The following SLC5A8 variants were observed in gnomAD, a reference collection of about 807,000 sequenced individuals.
SLC5A8 encodes sodium-coupled monocarboxylate transporter 1.
A neutral mutation model predicts 71.9 loss-of-function variants in SLC5A8; 55 were observed. The ratio of observed to expected loss-of-function variants is 0.77; its 90% CI spans 0.62 to 0.96. SLC5A8 has a LOEUF of 0.96. Ranked by LOEUF, SLC5A8 falls within the 40% of genes least tolerant of loss-of-function variation. The pLI is 0.00. For missense variants in SLC5A8, 701 were observed against 745.3 expected (o/e 0.94, Z 0.69); for synonymous variants, 307 against 276.1 (o/e 1.11, Z -1.11).
intron 3 of SLC5A8, 79 bp downstream of exon 3, chr12:101,202,085 T>C (rs1869479563): frequency 7.2e-7 from 1 of 1,390,174 alleles, no homozygotes; most frequent in African/African-American, 1.4e-5. Context: ...CATCTCCCCA[T>C]CTCCCCAAGG....
At chr12:101,176,563 A>G (rs1347881687) in intron 10 of SLC5A8, among the ~76,000 whole-genome samples, 2 of 152,100 alleles carry the variant, frequency 1.3e-5, no homozygotes, top group Admixed American at 1.3e-4. Flanking sequence ...ACAAGTTTAA[A>G]AGTACTGAAA....
At chr12:101,184,389 A>G (rs566016167) in intron 7 of SLC5A8, among the ~76,000 whole-genome samples, 167 bp from the exon 8 acceptor site, 15 of 152,364 alleles carry the variant, frequency 9.8e-5, no homozygotes, top group African/African-American at 3.6e-4. Flanking sequence ...TAACACTTAG[A>G]GAAACGAATA....
At chr12:101,189,382 C>T (rs979339224) in intron 6 of SLC5A8, among the ~76,000 whole-genome samples, 2 of 152,136 alleles carry the variant, frequency 1.3e-5, no homozygotes, top group African/African-American at 4.8e-5. Context: ...AATCTCTAAA[C>T]CAATTTACTC....
At chr12:101,159,034 G>A (rs1432617919) in intron 13 of SLC5A8, among the ~76,000 whole-genome samples, 1 of 151,198 alleles carries the variant, frequency 6.6e-6, no homozygotes, top group African/African-American at 2.4e-5. Context: ...GTATCTCAAA[G>A]AGTGGTCCTC....
chr12:101,197,133 A>G (rs1309279277), intron 3 of SLC5A8, among the ~76,000 whole-genome samples: 1 of 152,252 alleles, frequency 6.6e-6, no homozygotes, highest in African/African-American at 2.4e-5. Flanking sequence ...GGATAGTAGG[A>G]AACCAATTTA....
chr12:101,158,598 C>CTCTCTCTCCCTCTATATATA (rs1411795424), intron 13 of SLC5A8, among the ~76,000 whole-genome samples: 1 of 21,244 alleles, frequency 4.7e-5, no homozygotes, highest in Non-Finnish European at 8.8e-5. Flanking sequence ...CTCTCTCTCT[C>CTCTCTCTCCCTCTATATATA]TATATATATA....
chr12:101,208,350 T>A (rs1290625448), intron 1 of SLC5A8, among the ~76,000 whole-genome samples: 5 of 152,144 alleles, frequency 3.3e-5, no homozygotes, highest in Admixed American at 3.3e-4. Flanking sequence ...CCAGCACCAG[T>A]TGAACCAGCC....
rs1054066798 is a variant in SLC5A8 at position 101,156,279 on chromosome 12, C to T, written c.*1000G>A. 1 of 152,100 alleles carries T rather than the reference C, an allele frequency of 6.6e-6. No homozygotes were observed. Among genetic ancestry groups the T allele is most frequent in the South Asian group, 2.1e-4 (1 of 4,830 alleles). The allele number at this position is 152,100 out of a possible 1,614,324, so 9.4% of individuals were successfully genotyped here. A position where few individuals can be genotyped will look rare whatever the true frequency, so the allele number is the denominator to read the frequency against. ...GACATTCAAAAGTTCAACTTAATAG[C>T]ATTAAGTGTAGTCATCTAACTCCAT... On this transcript the variant is annotated 3_prime_UTR_variant, in exon 15 of 15. Transcript: ENST00000536262.
In SLC5A8 at chr12:101,166,404, A is replaced by G. The variant is rs557698911; in HGVS notation, c.1526+90T>C. The G allele has an allele frequency of 9.4e-6, 10 of 1,066,980 alleles. No individual in the cohort carries two copies. In the South Asian group the frequency reaches 1.8e-4, roughly 19 times the overall value. The allele number at this position is 1,066,980 out of a possible 1,614,324, so 66.1% of individuals were successfully genotyped here. On this transcript the variant is annotated intron_variant, in intron 12 of 14. Transcript: ENST00000536262. ...TCATTTCAGAATTAGGCAAAATCAC[A>G]GTGTTGTAAGCAAGACAAAAAGCAA...
chr12:101,200,760 G>T (rs171235), intron 3 of SLC5A8, among the ~76,000 whole-genome samples: 71,552 of 151,920 alleles, frequency 0.47, 17,174 homozygotes, highest in East Asian at 0.65. Context: ...AATGGACCAT[G>T]AGTTGATAAA....
At chr12:101,169,621 G>C (rs2051809241) in intron 10 of SLC5A8, among the ~76,000 whole-genome samples, 1 of 152,216 alleles carries the variant, frequency 6.6e-6, no homozygotes, top group Non-Finnish European at 1.5e-5. Context: ...TAGCCTTTAA[G>C]TTTCTAGGTC....
intron 13 of SLC5A8, among the ~76,000 whole-genome samples, chr12:101,161,120 A>G (rs2051719751): frequency 6.6e-6 from 1 of 152,194 alleles, no homozygotes; most frequent in Admixed American, 6.5e-5. Context: ...CTCAGAAAAA[A>G]GAAAAGTTCT....
intron 11 of SLC5A8, among the ~76,000 whole-genome samples, chr12:101,167,488 G>C (rs1593363725): frequency 6.6e-6 from 1 of 152,246 alleles, no homozygotes; most frequent in East Asian, 1.9e-4. Flanking sequence ...CTTTCTTCTG[G>C]GTTTCAGAGA....
chr12:101,181,904 A>C (rs1868377912), intron 9 of SLC5A8, among the ~76,000 whole-genome samples: 1 of 152,220 alleles, frequency 6.6e-6, no homozygotes, highest in Non-Finnish European at 1.5e-5. Context: ...TTTTACATAG[A>C]ATTATGGCTA....
intron 6 of SLC5A8, among the ~76,000 whole-genome samples, chr12:101,189,873 C>A (rs979730895): frequency 5.3e-5 from 8 of 152,170 alleles, no homozygotes; most frequent in Admixed American, 1.3e-4. Context: ...CTTTACCATG[C>A]GTATGCCAAA....
At chr12:101,180,742 C>T (rs555230343) in intron 9 of SLC5A8, among the ~76,000 whole-genome samples, 6 of 149,908 alleles carry the variant, frequency 4.0e-5, no homozygotes, top group East Asian at 1.9e-4. Context: ...TTCATAGAGA[C>T]GGGGTGTCGC....
intron 13 of SLC5A8, 21 bp from the exon 14 acceptor site, chr12:101,158,349 G>T (rs759005063): frequency 1.3e-6 from 2 of 1,498,020 alleles, no homozygotes; most frequent in South Asian, 2.4e-5. Context: ...AAATGTACAT[G>T]ACTTACGTTG....
chr12:101,179,134 T>C (rs774731227), intron 10 of SLC5A8, among the ~76,000 whole-genome samples: 4 of 152,050 alleles, frequency 2.6e-5, no homozygotes, highest in African/African-American at 9.7e-5. Flanking sequence ...TCAGAATGGC[T>C]AATATAAAAA....
Position 101,156,273 on chromosome 12 carries a change from T to G in SLC5A8, c.*1006A>C, listed in dbSNP as rs2051660913. The G allele has an allele frequency of 1.3e-5, 2 of 152,190 alleles. No homozygotes were observed. Among genetic ancestry groups the G allele is most frequent in the Non-Finnish European group, 2.9e-5 (2 of 68,022 alleles). The allele number at this position is 152,190 out of a possible 1,614,324, so 9.4% of individuals were successfully genotyped here. A position where few individuals can be genotyped will look rare whatever the true frequency, so the allele number is the denominator to read the frequency against. ...TTAGTTGACATTCAAAAGTTCAACT[T>G]AATAGCATTAAGTGTAGTCATCTAA... On this transcript the variant is annotated 3_prime_UTR_variant, in exon 15 of 15. Coordinates refer to ENST00000536262, the MANE Select transcript of SLC5A8 (RefSeq NM_145913.5).
Sources: allele counts gnomAD v4.1 joint callset (sites outside exome capture counted in the v4.1 genomes callset), GRCh38; gene constraint gnomAD v4.1.1; transcripts MANE v1.5; gene names NCBI Gene and HGNC (gene_info 2026-07-23, HGNC 2026-07-21).